KIF7: variants seen among roughly 807,000 people sequenced by gnomAD.
KIF7 encodes the protein kinesin family member 7.
Under a neutral mutation model 135.7 loss-of-function variants are expected in KIF7, and 104 were observed. The ratio of observed to expected loss-of-function variants is 0.77; its 90% CI spans 0.65 to 0.90. The LOEUF is 0.90. Among genes scored for constraint, KIF7 ranks in the 40% least tolerant of loss-of-function variants. The probability of loss-of-function intolerance (pLI) is 0.00; values close to 1 mark genes in which losing one functional copy is unlikely to be tolerated. For synonymous variants in KIF7, 883 were observed against 809.4 expected (o/e 1.09, Z -1.54); for missense variants, 2,005 against 1,839.1 (o/e 1.09, Z -1.65).
rs1208306774 is a variant in KIF7, at chr15:89,621,508, T to C, written c.181-3313A>G. ...AGGGTTCAGCTCGAATGAAAAAGCG[T>C]TCAAGAAACACTTTGGATTCGGAGG... is the stretch of plus-strand genomic sequence containing the variant. On this transcript the variant is annotated intron_variant and NMD_transcript_variant, in intron 1 of 2. Transcript: ENST00000558928. 1.9e-6 allele frequency: 3 copies of C among 1,613,930 alleles called. No individual in the cohort carries two copies. The South Asian group carries it at 3.3e-5, about 18-fold the overall frequency.
chr15:89,642,545 A>G (rs1963943166), intron 10 of KIF7, 140 bp from the exon 11 acceptor site: 1 of 614,202 alleles, frequency 1.6e-6, no homozygotes, highest in South Asian at 2.2e-5. Context: ...ACCACAGTTT[A>G]CTTAATATTT....
Position 89,645,954 on chromosome 15 carries a change from C to T in KIF7, c.1861G>A (p.Ala621Thr). The change falls in exon 8 of 19, where the codon GCT (alanine) becomes ACT (threonine). Residue 621 changes from alanine to threonine, a missense_variant. Coordinates refer to ENST00000394412, the MANE Select transcript of KIF7 (RefSeq NM_198525.3). ...EVNRLGSGSS[A>T]ASEEEEEEEE... ...TCCTCCTCTTCCTCCTCTGAAGCAGCTGAAGAGCCACTTCCCAGCCTGTTC... is the reference window on the plus strand; with the variant it reads ...TCCTCCTCTTCCTCCTCTGAAGCAGTTGAAGAGCCACTTCCCAGCCTGTTC... 2 of 1,613,934 alleles carry T rather than the reference C, an allele frequency of 1.2e-6. No homozygotes were observed. Among genetic ancestry groups the T allele is most frequent in the Non-Finnish European group, 1.7e-6 (2 of 1,179,990 alleles).
intron 12 of KIF7, 88 bp from the exon 13 acceptor site, chr15:89,633,354 C>T: frequency 6.7e-7 from 1 of 1,502,586 alleles, no homozygotes; most frequent in East Asian, 2.5e-5. Context: ...CCAGGAGTGC[C>T]TGCCCACTCC....
intron 11 of KIF7, among the ~76,000 whole-genome samples, chr15:89,634,965 C>G (rs939656457): frequency 1.3e-5 from 2 of 152,212 alleles, no homozygotes; most frequent in African/African-American, 4.8e-5. Flanking sequence ...TCTCCCAGCA[C>G]GCAGCTGGAG....
chr15:89,618,126 A>G (rs1286859453), exon 2 of KIF7: 7 of 1,612,052 alleles, frequency 4.3e-6, no homozygotes, highest in Non-Finnish European at 5.9e-6. Context: ...GGTATGGAGT[A>G]ATCCTTGTGC....
At chr15:89,618,051 TG>T in exon 2 of KIF7, 1 of 1,196,086 alleles carries the variant, frequency 8.4e-7, no homozygotes, top group Non-Finnish European at 1.2e-6. Context: ...TATCAGACCC[TG>T]TGATCTTTGT....
chr15:89,662,450 A>T, the KIF7 span, among the ~76,000 whole-genome samples: 1 of 152,216 alleles, frequency 6.6e-6, no homozygotes, highest in Non-Finnish European at 1.5e-5. Context: ...GTGAGCTGAG[A>T]TCCTGCCACT....
At chr15:89,624,985 T>TGCCAGCCCACAGTCCAC, downstream of KIF7, 1 of 1,614,064 alleles carries the variant, frequency 6.2e-7, no homozygotes, top group Non-Finnish European at 8.5e-7. Flanking sequence ...CCCACAGACC[T>TGCCAGCCCACAGTCCAC]ATGAGGTTGA....
the KIF7 span, among the ~76,000 whole-genome samples, chr15:89,662,275 T>C: frequency 6.6e-6 from 1 of 151,928 alleles, no homozygotes; most frequent in African/African-American, 2.4e-5. Context: ...GGTGGGCAGA[T>C]CACTTGAAGT....
In KIF7 at chr15:89,649,788, G is replaced by A. The variant is rs1057435113; in HGVS notation, c.482C>T (p.Thr161Ile). 3.9e-6 allele frequency: 6 copies of A among 1,551,686 alleles called. No individual in the cohort carries two copies. Among genetic ancestry groups the A allele is most frequent in the Non-Finnish European group, 5.2e-6 (6 of 1,147,018 alleles). ...CCGGAGCTGGATGTCACGGCTGGCA[G>A]TGCCCACCTCGAGCAGGTCTCGGAA... ...EEFRDLLEVG[T>I]ASRDIQLRED... is the part of the protein sequence containing the mutation. The change falls in exon 3 of 19, where the codon ACT becomes ATT. Residue 161 changes from threonine (T) to isoleucine (I), a missense_variant. Physicochemically the swap from Thr to Ile is moderately conservative, Grantham distance 89 (BLOSUM62 -1). Transcript: ENST00000394412.
At chr15:89,661,655 T>C in the KIF7 span, among the ~76,000 whole-genome samples, 7 of 152,166 alleles carry the variant, frequency 4.6e-5, no homozygotes, top group Non-Finnish European at 7.4e-5. Flanking sequence ...TAACAAGGTA[T>C]GCAGAAGTTT....
chr15:89,645,933 C>A lies in KIF7; in HGVS notation c.1882G>T (p.Glu628Ter), dbSNP rs768761617. The A allele has an allele frequency of 6.2e-7, 1 of 1,613,834 alleles. No individual in the cohort carries two copies. Among genetic ancestry groups the A allele is most frequent in the Non-Finnish European group, 8.5e-7 (1 of 1,179,978 alleles). ...GSSAASEEEE[E>*]EEEPPRRTLH... ...GTCCGCCTGGGCGGCTCCTCCTCCT[C>A]CTCTTCCTCCTCTGAAGCAGCTGAA... The change falls in exon 8 of 19, where the codon GAG becomes TAG. Residue 628 changes from glutamate (E) to a stop codon, truncating the protein, a stop_gained. Coordinates refer to ENST00000394412, the MANE Select transcript of KIF7 (RefSeq NM_198525.3). LOFTEE classifies it high-confidence loss of function.
At chr15:89,643,877 C>T (rs1424221713) in intron 10 of KIF7, among the ~76,000 whole-genome samples, 1 of 113,250 alleles carries the variant, frequency 8.8e-6, no homozygotes, top group African/African-American at 3.4e-5. Flanking sequence ...GAGTGAGACT[C>T]CGTCTCAGAA....
At chr15:89,658,893 A>C (rs1055314594), upstream of KIF7, among the ~76,000 whole-genome samples, 6 of 152,090 alleles carry the variant, frequency 3.9e-5, no homozygotes, top group Non-Finnish European at 7.4e-5. Flanking sequence ...ATAATTAATG[A>C]AATGTAAAAT....
At chr15:89,647,765 A>T (rs903773261) in intron 5 of KIF7, 53 bp from the exon 6 acceptor site, 3 of 1,316,796 alleles carry the variant, frequency 2.3e-6, no homozygotes, top group Non-Finnish European at 3.2e-6. Flanking sequence ...GGCGAGCTGG[A>T]CACCCGGCCT....
chr15:89,651,156 G>A (rs578045598), intron 2 of KIF7, among the ~76,000 whole-genome samples: 83 of 152,116 alleles, frequency 5.5e-4, no homozygotes, highest in Non-Finnish European at 1.0e-3. Flanking sequence ...CTGGAGTGCG[G>A]TGGCCAGATC....
intron 2 of KIF7, among the ~76,000 whole-genome samples, chr15:89,650,357 A>G (rs1390550281): frequency 6.6e-6 from 1 of 152,188 alleles, no homozygotes; most frequent in East Asian, 1.9e-4. Context: ...AAACATCCTA[A>G]GTGTCCATCC....
Position 89,628,761 on chromosome 15 carries a change from C to G in KIF7, c.3690G>C (p.Ser1230=), listed in dbSNP as rs376563309. The change falls in exon 19 of 19, where the codon TCG becomes TCC. Residue 1230 remains serine (S), a synonymous_variant. Coordinates refer to ENST00000394412, the MANE Select transcript of KIF7 (RefSeq NM_198525.3). The part of the protein sequence containing the change: ...SRGGEKRSLC[S]EGRQAPGNED... ...CATTTCCAGGAGCCTGTCTGCCCTC[C>G]GAGCACAGGCTCCTCTTCTCCCCAC... 6.2e-7 allele frequency: 1 copy of G among 1,612,218 alleles called. No individual in the cohort carries two copies. Among genetic ancestry groups the G allele is most frequent in the Non-Finnish European group, 8.5e-7 (1 of 1,179,968 alleles).
upstream of KIF7, among the ~76,000 whole-genome samples, chr15:89,658,356 G>A (rs1964226943): frequency 6.6e-6 from 1 of 151,938 alleles, no homozygotes; most frequent in Non-Finnish European, 1.5e-5. Context: ...AGGCTGAGGT[G>A]GGAGGATTGC....
Sources: allele counts gnomAD v4.1 joint callset (sites outside exome capture counted in the v4.1 genomes callset), GRCh38; gene constraint gnomAD v4.1.1; transcripts MANE v1.5; gene names NCBI Gene and HGNC (gene_info 2026-07-23, HGNC 2026-07-21).